FBXO4: variants seen among roughly 807,000 people sequenced by gnomAD.
FBXO4 encodes F-box protein 4.
In FBXO4, 36 loss-of-function variants were observed where a neutral mutation model predicts 43.7. That is an observed-to-expected ratio of 0.82 (90% CI 0.63 to 1.09). FBXO4 has a LOEUF of 1.09. FBXO4 is among the 50% of genes least tolerant of loss of function. FBXO4 has a pLI of 0.00. For synonymous variants in FBXO4, 180 were observed against 165.6 expected, an observed-to-expected ratio of 1.09 and a Z score of -0.67; for missense variants, 435 against 474.1, an observed-to-expected ratio of 0.92 and a Z score of 0.77.
At chr5:41,950,740 T>G in the FBXO4 span, among the ~76,000 whole-genome samples, 2 of 152,156 alleles carry the variant, frequency 1.3e-5, no homozygotes, top group Non-Finnish European at 2.9e-5. Flanking sequence ...TATAAATCAT[T>G]CTACTATAAA....
the FBXO4 span, among the ~76,000 whole-genome samples, chr5:41,948,157 G>A: frequency 1.5e-5 from 2 of 135,042 alleles, no homozygotes; most frequent in African/African-American, 3.0e-5. Flanking sequence ...TTTTTTTTGA[G>A]ATGGAGTCTC....
chr5:41,983,232 T>C, the FBXO4 span, among the ~76,000 whole-genome samples: 2 of 152,322 alleles, frequency 1.3e-5, no homozygotes, highest in African/African-American at 4.8e-5. Context: ...ATTTTATTTT[T>C]AAAGGAGTGA....
chr5:41,980,703 T>C, the FBXO4 span, among the ~76,000 whole-genome samples: 2 of 152,226 alleles, frequency 1.3e-5, no homozygotes, highest in African/African-American at 4.8e-5. Flanking sequence ...AAAGAGCATT[T>C]ACTTAGATTT....
At chr5:42,032,027 GTCTC>G in the FBXO4 span, among the ~76,000 whole-genome samples, 1 of 150,994 alleles carries the variant, frequency 6.6e-6, no homozygotes, top group Non-Finnish European at 1.5e-5. Context: ...AACAGCTGTA[GTCTC>G]TCTCTCACTC....
chr5:41,932,256 G>A (rs1274758489), intron 3 of FBXO4, among the ~76,000 whole-genome samples: 2 of 152,202 alleles, frequency 1.3e-5, no homozygotes, highest in Admixed American at 6.5e-5. Flanking sequence ...ACAGTATGGC[G>A]ACTATATTGG....
the FBXO4 span, among the ~76,000 whole-genome samples, chr5:41,971,417 C>A: frequency 6.6e-6 from 1 of 151,988 alleles, no homozygotes. Flanking sequence ...ACCAATTTAA[C>A]AGATTACTTT....
the FBXO4 span, among the ~76,000 whole-genome samples, chr5:41,972,770 C>G: frequency 6.6e-6 from 1 of 152,048 alleles, no homozygotes; most frequent in Non-Finnish European, 1.5e-5. Flanking sequence ...GAAATAAAGC[C>G]ACACACATAC....
At chr5:41,952,009 C>G in the FBXO4 span, 2 of 298,032 alleles carry the variant, frequency 6.7e-6, no homozygotes, top group Non-Finnish European at 1.3e-5. Flanking sequence ...ATGACACGAG[C>G]TGCCAGCAGA....
downstream of FBXO4, among the ~76,000 whole-genome samples, chr5:41,946,584 CAAGT>C (rs953321407): frequency 1.3e-5 from 2 of 152,110 alleles, no homozygotes; most frequent in African/African-American, 4.8e-5. Flanking sequence ...CAATTAGAAA[CAAGT>C]AAGCAAGCTT....
chr5:41,983,648 AT>A, the FBXO4 span, among the ~76,000 whole-genome samples: 1 of 151,844 alleles, frequency 6.6e-6, no homozygotes, highest in East Asian at 1.9e-4. Context: ...TATCTGTGCT[AT>A]TTTGTTTAAT....
At chr5:42,031,251 A>G in the FBXO4 span, among the ~76,000 whole-genome samples, 6 of 152,200 alleles carry the variant, frequency 3.9e-5, no homozygotes, top group East Asian at 1.9e-4. Context: ...AATGTGGCAC[A>G]TATACACCAT....
At chr5:41,961,892 G>A in the FBXO4 span, among the ~76,000 whole-genome samples, 1 of 152,208 alleles carries the variant, frequency 6.6e-6, no homozygotes, top group Non-Finnish European at 1.5e-5. Flanking sequence ...GAAACTCAAT[G>A]GTTCCTGCCA....
At chr5:42,011,653 A>C in the FBXO4 span, among the ~76,000 whole-genome samples, 1 of 152,202 alleles carries the variant, frequency 6.6e-6, no homozygotes, top group Non-Finnish European at 1.5e-5. Flanking sequence ...TATTATAAGA[A>C]ACTATATTAT....
At chr5:41,945,500 G>T (rs539038168), downstream of FBXO4, among the ~76,000 whole-genome samples, 9 of 152,278 alleles carry the variant, frequency 5.9e-5, no homozygotes, top group East Asian at 1.5e-3. Flanking sequence ...GCAGGGTTGG[G>T]TAAAGACAAT....
At chr5:41,959,103 A>G in the FBXO4 span, among the ~76,000 whole-genome samples, 1 of 152,278 alleles carries the variant, frequency 6.6e-6, no homozygotes, top group South Asian at 2.1e-4. Flanking sequence ...CAGATGTGAG[A>G]TGATCTCTCA....
chr5:42,033,665 A>T, the FBXO4 span, among the ~76,000 whole-genome samples: 1 of 152,104 alleles, frequency 6.6e-6, no homozygotes, highest in South Asian at 2.1e-4. Flanking sequence ...TTTGCTGAGG[A>T]TGATGGCTTA....
chr5:41,952,424 G>T, the FBXO4 span, among the ~76,000 whole-genome samples: 1 of 152,008 alleles, frequency 6.6e-6, no homozygotes, highest in African/African-American at 2.4e-5. Flanking sequence ...TAATATATTG[G>T]CATGAAGTTG....
At chr5:41,971,837 C>A in the FBXO4 span, among the ~76,000 whole-genome samples, 4 of 152,008 alleles carry the variant, frequency 2.6e-5, no homozygotes, top group Admixed American at 6.6e-5. Flanking sequence ...GTTCTTTACA[C>A]TCTTACTTAT....
At chr5:41,969,975 ACTGTGGT>A in the FBXO4 span, among the ~76,000 whole-genome samples, 7,725 of 152,160 alleles carry the variant, frequency 0.051, 276 homozygotes, top group Non-Finnish European at 0.077. Context: ...AGGCCATAGT[ACTGTGGT>A]TACTGTATAC....
Sources: allele counts gnomAD v4.1 joint callset (sites outside exome capture counted in the v4.1 genomes callset), GRCh38; gene constraint gnomAD v4.1.1; transcripts MANE v1.5; gene names NCBI Gene and HGNC (gene_info 2026-07-23, HGNC 2026-07-21).